Variants in SLC7A8 observed in about 807,000 individuals in gnomAD.
SLC7A8 encodes large neutral amino acids transporter small subunit 2.
A neutral mutation model predicts 51.2 loss-of-function variants in SLC7A8; 30 were observed. The observed-to-expected ratio is 0.59, with a 90% confidence interval of 0.44 to 0.80. The LOEUF (loss-of-function observed/expected upper bound fraction) is 0.80. Among genes scored for constraint, SLC7A8 ranks in the 30% least tolerant of loss-of-function variants. SLC7A8 has a pLI of 0.00. For missense variants in SLC7A8, 612 were observed against 674.4 expected (o/e 0.91, Z 1.03); for synonymous variants, 257 against 275.8 (o/e 0.93, Z 0.67).
intron 3 of SLC7A8, chr14:23,155,134 T>C: frequency 6.5e-7 from 1 of 1,530,182 alleles, no homozygotes; most frequent in Non-Finnish European, 8.8e-7. Flanking sequence ...ACATTTCCCC[T>C]TCTCCAGCCC....
At chr14:23,182,684 A>G (rs1877233326) in intron 1 of SLC7A8, 80 bp downstream of exon 1, 1 of 1,441,110 alleles carries the variant, frequency 6.9e-7, no homozygotes, top group Non-Finnish European at 9.3e-7. Flanking sequence ...GAAGAACAAT[A>G]ATGCTTTCGA....
chr14:23,135,350 A>G (rs1359379325), intron 7 of SLC7A8, among the ~76,000 whole-genome samples: 4 of 150,670 alleles, frequency 2.7e-5, no homozygotes, highest in African/African-American at 9.7e-5. Context: ...CAGCCTCCCA[A>G]AGTGCTGGGG....
At position 23,157,449 on chromosome 14, in the gene SLC7A8, T is replaced by A. The variant is rs568664532; in HGVS notation, c.508+7836A>T. 6.6e-5 allele frequency among the ~76,000 whole-genome samples: 10 copies of A among 152,304 alleles called. No individual in the cohort carries two copies. In the South Asian group the frequency reaches 2.1e-3, roughly 32 times the overall value. ...TGACTCTCCTAAAATACAGATATGA[T>A]CATGTCGGTCTTCTGTCTGAAACCC... On this transcript the variant is annotated intron_variant, in intron 3 of 10. Transcript: ENST00000316902.
rs2048598605 is a variant in SLC7A8, at chr14:23,128,260, T to C, written c.1264-64A>G. On this transcript the variant is annotated intron_variant, in intron 9 of 10. Coordinates refer to ENST00000316902, the MANE Select transcript of SLC7A8 (RefSeq NM_012244.4). The surrounding 1 kb of genome is among the most constrained non-coding windows in gnomAD (Gnocchi z 4.3). ...CCACGTGGCCCCCAGGACTAGGGACTGGGGCATTCTCTCTCTTCTTCACCC... is the reference window on the plus strand; with the variant it reads ...CCACGTGGCCCCCAGGACTAGGGACCGGGGCATTCTCTCTCTTCTTCACCC... 1.2e-5 allele frequency: 19 copies of C among 1,596,566 alleles called. No individual in the cohort carries two copies. Among genetic ancestry groups the C allele is most frequent in the Non-Finnish European group, 1.6e-5 (19 of 1,171,606 alleles).
In SLC7A8 at chr14:23,127,339, C is replaced by G. The variant is rs563413294; in HGVS notation, c.1446G>C (p.Leu482=). The G allele has an allele frequency of 4.3e-6, 7 of 1,613,972 alleles. No homozygotes were observed. In the South Asian group the frequency reaches 7.7e-5, roughly 18 times the overall value. The change falls in exon 11 of 11, where the codon CTG becomes CTC. Residue 482 remains leucine, a synonymous_variant. Coordinates refer to ENST00000316902, the MANE Select transcript of SLC7A8 (RefSeq NM_012244.4). ...ACATCTTCTGGCTCACCAGGGTTAG[C>G]AGCTCTGTAGGAAGAGATCACACAG... The part of the protein sequence containing the change: ...KPKCFSDFIE[L]LTLVSQKMCV...
chr14:23,154,654 T>A (rs952662586), intron 3 of SLC7A8, among the ~76,000 whole-genome samples: 1 of 152,152 alleles, frequency 6.6e-6, no homozygotes, highest in African/African-American at 2.4e-5. Context: ...GTTTGACCTC[T>A]AACGCACACA....
At chr14:23,151,811 C>G (rs2140324552) in intron 3 of SLC7A8, among the ~76,000 whole-genome samples, 1 of 150,536 alleles carries the variant, frequency 6.6e-6, no homozygotes, top group Non-Finnish European at 1.5e-5. Flanking sequence ...TACCTGTAAT[C>G]CCAGCACTTT....
rs889190484 is a variant in SLC7A8 at position 23,163,367 on chromosome 14, C to T, written c.508+1918G>A. On this transcript the variant is annotated intron_variant, in intron 3 of 10. Transcript: ENST00000316902. Reference sequence around the variant, plus strand: ...GACTGGAGATGCAGGCGCAGGCAGCCTGGTTTTGGAGCCTGCATTCCTCTG... The same window carrying T: ...GACTGGAGATGCAGGCGCAGGCAGCTTGGTTTTGGAGCCTGCATTCCTCTG... 3.9e-5 allele frequency among the ~76,000 whole-genome samples: 6 copies of T among 152,186 alleles called. No homozygotes were observed. In the South Asian group the frequency reaches 1.2e-3, roughly 31 times the overall value.
intron 3 of SLC7A8, among the ~76,000 whole-genome samples, chr14:23,159,459 G>A (rs2048910196): frequency 6.6e-6 from 1 of 152,234 alleles, no homozygotes. Flanking sequence ...TATAAACGAG[G>A]CTGATCGGAT....
intron 1 of SLC7A8, among the ~76,000 whole-genome samples, chr14:23,176,973 A>G (rs1012777127): frequency 6.6e-6 from 1 of 150,764 alleles, no homozygotes; most frequent in Non-Finnish European, 1.5e-5. Context: ...ATTGGGATTT[A>G]GTAAGAGCTC....
intron 1 of SLC7A8, among the ~76,000 whole-genome samples, chr14:23,169,186 C>CA (rs1448791596): frequency 2.0e-5 from 3 of 151,940 alleles, no homozygotes; most frequent in African/African-American, 7.2e-5. Flanking sequence ...CTATCTCTAA[C>CA]AAAAAAATTT....
intron 7 of SLC7A8, among the ~76,000 whole-genome samples, chr14:23,133,064 C>T (rs1021222637): frequency 2.0e-5 from 3 of 152,278 alleles, no homozygotes; most frequent in African/African-American, 7.2e-5. Context: ...GCATGAGCCA[C>T]CACGCCCAGC....
At position 23,176,992 on chromosome 14, in the gene SLC7A8, C is replaced by A. The variant is rs543872420; in HGVS notation, c.151+5772G>T. 3.4e-4 allele frequency among the ~76,000 whole-genome samples: 50 copies of A among 149,080 alleles called. 1 individual carries two copies. In the South Asian group the frequency reaches 0.01, roughly 30 times the overall value. On this transcript the variant is annotated intron_variant, in intron 1 of 10. Coordinates refer to ENST00000316902, the MANE Select transcript of SLC7A8 (RefSeq NM_012244.4). ...GGATTTAGTAAGAGCTCAATAAATACTATTTTAAAAAATCATGTTAGTTGG... is the reference window on the plus strand; with the variant it reads ...GGATTTAGTAAGAGCTCAATAAATAATATTTTAAAAAATCATGTTAGTTGG...
rs116095322 is a variant in SLC7A8, at chr14:23,182,212, C to G, written c.151+552G>C. Among the ~76,000 whole-genome samples the G allele has an allele frequency of 3.5e-3, 532 of 152,292 alleles. 4 individuals carry two copies. Among genetic ancestry groups the G allele is most frequent in the African/African-American group, 0.012 (501 of 41,554 alleles). On this transcript the variant is annotated intron_variant, in intron 1 of 10. Transcript: ENST00000316902. ...TTCCCCATCTGTGAAATGGGAATAA[C>G]AGCCCTGTCACAGCTACTTCACACA...
Position 23,157,128 on chromosome 14 carries a change from C to T in SLC7A8, c.508+8157G>A, listed in dbSNP as rs1368282929. On this transcript the variant is annotated intron_variant, in intron 3 of 10. Transcript: ENST00000316902. ...GGGTCAACTTGACCAGTCTGAACCA[C>T]ACCAATTCAGATGATACAACAATAC... Among the ~76,000 whole-genome samples the T allele has an allele frequency of 5.3e-5, 8 of 152,176 alleles. No homozygotes were observed. In the South Asian group the frequency reaches 1.2e-3, roughly 24 times the overall value.
chr14:23,138,261 T>A (rs556538357), intron 6 of SLC7A8: 14 of 487,240 alleles, frequency 2.9e-5, no homozygotes, highest in South Asian at 2.6e-4. Context: ...AATAATGAAC[T>A]AACACTTACT....
chr14:23,140,571 C>T lies in SLC7A8; in HGVS notation c.688G>A (p.Asp230Asn), dbSNP rs1323727869. The T allele has an allele frequency of 1.2e-6, 2 of 1,614,006 alleles. No homozygotes were observed. Among genetic ancestry groups the T allele is most frequent in the East Asian group, 4.5e-5 (2 of 44,902 alleles). The change falls in exon 5 of 11, where the codon GAC becomes AAC. Residue 230 changes from aspartate to asparagine, a missense_variant. Transcript: ENST00000316902. Reference sequence around the variant, plus strand: ...AAAGCCAGTGCGACGAGGCCGATGTCAGGTTCCTGGAAATTCTCAAATGCA... The same window carrying T: ...AAAGCCAGTGCGACGAGGCCGATGTTAGGTTCCTGGAAATTCTCAAATGCA... ...KNAFENFQEPDIGLVALAFLQ... is the reference protein window; with the variant it reads ...KNAFENFQEPNIGLVALAFLQ...
rs2140333113 is a variant in SLC7A8 at position 23,162,756 on chromosome 14, T to C, written c.508+2529A>G. On this transcript the variant is annotated intron_variant, in intron 3 of 10. Transcript: ENST00000316902. Reference sequence around the variant, plus strand: ...AGGCTACACTACTTTGGAGGGTCTTTGTGCAAGAGGTCAAACCCTTGGCAG... The same window carrying C: ...AGGCTACACTACTTTGGAGGGTCTTCGTGCAAGAGGTCAAACCCTTGGCAG... 2.0e-5 allele frequency among the ~76,000 whole-genome samples: 3 copies of C among 152,300 alleles called. No homozygotes were observed. The South Asian group carries it at 6.2e-4, about 32-fold the overall frequency.
At chr14:23,139,689 C>T in intron 5 of SLC7A8, 142 bp from the exon 6 acceptor site, 1 of 1,076,750 alleles carries the variant, frequency 9.3e-7, no homozygotes, top group South Asian at 1.7e-5. Context: ...GGGAGGTGGG[C>T]TTTGTCTCAA....
Sources: allele counts gnomAD v4.1 joint callset (sites outside exome capture counted in the v4.1 genomes callset), GRCh38; gene constraint gnomAD v4.1.1; non-coding constraint Gnocchi (gnomAD v3.1); transcripts MANE v1.5; gene names NCBI Gene and HGNC (gene_info 2026-07-23, HGNC 2026-07-21).